MTBP: variants seen among roughly 807,000 people sequenced by gnomAD.
The protein encoded by MTBP is MDM2 binding protein, also known as mdm2-binding protein.
MTBP carries 101 observed loss-of-function variants against 117.0 expected under a neutral mutation model. That is an observed-to-expected ratio of 0.86 (90% CI 0.73 to 1.02). MTBP has a LOEUF of 1.02. Ranked by LOEUF, MTBP falls within the 50% of genes least tolerant of loss-of-function variation. The probability of loss-of-function intolerance (pLI) is 0.00; values close to 1 mark genes in which losing one functional copy is unlikely to be tolerated. For missense variants in MTBP, 970 were observed against 1,030.9 expected, an observed-to-expected ratio of 0.94 and a Z score of 0.81; for synonymous variants, 350 against 351.5, an observed-to-expected ratio of 1.00 and a Z score of 0.05.
At chr8:120,520,247 G>T (rs1191654641) in intron 20 of MTBP, among the ~76,000 whole-genome samples, 1 of 151,926 alleles carries the variant, frequency 6.6e-6, no homozygotes, top group Admixed American at 6.6e-5. Context: ...CATAAAACTA[G>T]AACAGGATGC....
At chr8:120,495,185 A>G (rs913559267) in intron 13 of MTBP, among the ~76,000 whole-genome samples, 1 of 152,118 alleles carries the variant, frequency 6.6e-6, no homozygotes, top group African/African-American at 2.4e-5. Flanking sequence ...CATGTCTGAA[A>G]ATTTATTTAC....
chr8:120,510,139 A>T, intron 17 of MTBP, 110 bp downstream of exon 17: 2 of 787,792 alleles, frequency 2.5e-6, no homozygotes, highest in South Asian at 5.8e-5. Flanking sequence ...CCAAGAGGAT[A>T]TGTCAAAAAC....
At position 120,517,857 on chromosome 8, in the gene MTBP, G is replaced by C; in HGVS notation, c.2253G>C (p.Val751=). The change falls in exon 19 of 22, where the codon GTG becomes GTC. Residue 751 remains valine (V), a synonymous_variant. Transcript: ENST00000305949. Reference sequence around the variant, plus strand: ...TTTTTCCCCTGCTATATAGACTTGTGAAATCTGAAAGTTCAGAGTCTCTTC... The same window carrying C: ...TTTTTCCCCTGCTATATAGACTTGTCAAATCTGAAAGTTCAGAGTCTCTTC... ...LNCLYPRKRL[V]KSESSESLLS... The C allele has an allele frequency of 6.2e-7, 1 of 1,610,268 alleles. No homozygotes were observed. Among genetic ancestry groups the C allele is most frequent in the Non-Finnish European group, 8.5e-7 (1 of 1,177,508 alleles).
At chr8:120,502,314 A>G (rs1184776798) in intron 14 of MTBP, among the ~76,000 whole-genome samples, 178 bp from the exon 15 acceptor site, 3 of 152,212 alleles carry the variant, frequency 2.0e-5, no homozygotes, top group Non-Finnish European at 2.9e-5. Flanking sequence ...AAACATTTCT[A>G]TGGCCTTTTG....
chr8:120,482,856 C>T (rs770632811), intron 11 of MTBP, among the ~76,000 whole-genome samples: 1 of 151,874 alleles, frequency 6.6e-6, no homozygotes, highest in Non-Finnish European at 1.5e-5. Flanking sequence ...CATGCCACCA[C>T]GCCCAGCTAA....
intron 16 of MTBP, among the ~76,000 whole-genome samples, chr8:120,507,612 T>A (rs1586969237): frequency 6.6e-6 from 1 of 150,780 alleles, no homozygotes; most frequent in Non-Finnish European, 1.5e-5. Context: ...TTATACTGTA[T>A]AAATATTGCC....
In MTBP at chr8:120,518,118, AT is replaced by A; in HGVS notation, c.2496+23del. 2 of 1,603,898 alleles carry A rather than the reference AT, an allele frequency of 1.2e-6. No homozygotes were observed. Among genetic ancestry groups the A allele is most frequent in the South Asian group, 2.2e-5 (2 of 90,104 alleles). On this transcript the variant is annotated intron_variant, in intron 19 of 21. Coordinates refer to ENST00000305949, the MANE Select transcript of MTBP (RefSeq NM_022045.5). The stretch of plus-strand genomic sequence containing the variant: ...ACACACGGGTAAAGATTTATTTCCC[AT>A]TTTTCTTAGTTCTACATAGGAAGAC...
intron 11 of MTBP, among the ~76,000 whole-genome samples, chr8:120,483,010 T>C (rs1197455648): frequency 1.3e-5 from 2 of 151,174 alleles, no homozygotes; most frequent in Non-Finnish European, 3.0e-5. Context: ...GTACTATCTT[T>C]TTTTTTTTTT....
At chr8:120,509,883 T>A in intron 16 of MTBP, 51 bp from the exon 17 acceptor site, 1 of 1,291,136 alleles carries the variant, frequency 7.7e-7, no homozygotes, top group Middle Eastern at 2.3e-4. Flanking sequence ...TTTAACTTTC[T>A]TTTTGTCAGT....
In MTBP at chr8:120,453,878, C is replaced by T; in HGVS notation, c.457C>T (p.Gln153Ter). The change falls in exon 5 of 22, where the codon CAG (glutamine) becomes TAG (stop). Residue 153 changes from glutamine (Q) to a stop codon, truncating the protein, a stop_gained. Coordinates refer to ENST00000305949, the MANE Select transcript of MTBP (RefSeq NM_022045.5). LOFTEE classifies it high-confidence loss of function. Reference protein sequence around the residue: ...LYEEAAENLHQLSDKLPAPGR... With the variant: ...LYEEAAENLH ...TGAAGAAGCTGCAGAAAATTTGCATCAGCTGTCAGACAAGCTTCCTGCTCC... is the reference window on the plus strand; with the variant it reads ...TGAAGAAGCTGCAGAAAATTTGCATTAGCTGTCAGACAAGCTTCCTGCTCC... 6.3e-7 allele frequency: 1 copy of T among 1,582,756 alleles called. No individual in the cohort carries two copies. The highest frequency in any genetic ancestry group is 8.6e-7 in the Non-Finnish European group (1 of 1,161,892).
chr8:120,473,052 TA>T (rs1813854923), intron 11 of MTBP: 2 of 152,194 alleles, frequency 1.3e-5, no homozygotes, highest in African/African-American at 2.4e-5. Flanking sequence ...ACCCCTCATA[TA>T]AAATGGAGTA....
rs1256803506 is a variant in MTBP at position 120,488,198 on chromosome 8, A to G, written c.1205A>G (p.Tyr402Cys). 1.3e-6 allele frequency: 2 copies of G among 1,592,360 alleles called. No individual in the cohort carries two copies. The highest frequency in any genetic ancestry group is 1.4e-5 in the African/African-American group (1 of 73,624). The stretch of plus-strand genomic sequence containing the variant: ...GTGAAAGGAGAGTGTTCTAGCTATT[A>G]TCTCTTGTTACAAGGTAATGGCAAT... ...VEVKGECSSY[Y>C]LLLQGNGNRR... The change falls in exon 12 of 22, where the codon TAT becomes TGT. Residue 402 changes from tyrosine to cysteine, a missense_variant. By Grantham distance (194) the Tyr-to-Cys change is radical. Coordinates refer to ENST00000305949, the MANE Select transcript of MTBP (RefSeq NM_022045.5).
chr8:120,489,988 G>C (rs1233820663), intron 12 of MTBP, among the ~76,000 whole-genome samples: 1 of 152,194 alleles, frequency 6.6e-6, no homozygotes, highest in East Asian at 1.9e-4. Flanking sequence ...GTTATTCTGA[G>C]TAAAATGGGC....
chr8:120,520,460 T>C (rs562774972), intron 20 of MTBP, among the ~76,000 whole-genome samples: 3 of 152,288 alleles, frequency 2.0e-5, no homozygotes, highest in East Asian at 3.9e-4. Context: ...ATTTTGTATT[T>C]TTTGAACAAT....
chr8:120,483,472 A>AT (rs1205374257), intron 11 of MTBP, among the ~76,000 whole-genome samples: 1 of 152,048 alleles, frequency 6.6e-6, no homozygotes, highest in African/African-American at 2.4e-5. Flanking sequence ...CCTGGGATAT[A>AT]TTTTTTCCTT....
At chr8:120,480,845 T>A (rs1336758846) in intron 11 of MTBP, among the ~76,000 whole-genome samples, 1 of 152,154 alleles carries the variant, frequency 6.6e-6, no homozygotes, top group Non-Finnish European at 1.5e-5. Flanking sequence ...ATTTATAAAG[T>A]AGAATTCACC....
intron 11 of MTBP, among the ~76,000 whole-genome samples, chr8:120,476,066 T>TTGTGA (rs1813929818): frequency 1.3e-5 from 2 of 152,062 alleles, no homozygotes; most frequent in Non-Finnish European, 2.9e-5. Flanking sequence ...TTATCTAATG[T>TTGTGA]CACAGGGTGG....
intron 14 of MTBP, among the ~76,000 whole-genome samples, chr8:120,501,725 T>G (rs1814591986): frequency 6.6e-6 from 1 of 152,186 alleles, no homozygotes; most frequent in Non-Finnish European, 1.5e-5. Flanking sequence ...CCAGATAGTT[T>G]TGCAATCCAA....
intron 9 of MTBP, among the ~76,000 whole-genome samples, chr8:120,462,198 C>T (rs1351723586): frequency 1.3e-5 from 2 of 152,142 alleles, no homozygotes. Context: ...ATAAGCCAGA[C>T]ATAGCTTAAT....
Sources: gnomAD v4.1 joint callset for allele counts (sites outside exome capture counted in the v4.1 genomes callset) on GRCh38, gnomAD v4.1.1 for gene constraint, MANE v1.5 for transcripts, NCBI Gene and HGNC (gene_info 2026-07-23, HGNC 2026-07-21) for gene names.